The following KIAA1217 variants were observed in gnomAD, a reference collection of about 807,000 sequenced individuals.
The protein encoded by KIAA1217 is KIAA1217.
Under a neutral mutation model 163.9 loss-of-function variants are expected in KIAA1217, and 88 were observed. The ratio of observed to expected loss-of-function variants is 0.54; its 90% CI spans 0.45 to 0.64. The LOEUF (loss-of-function observed/expected upper bound fraction) is 0.64, where lower values mean the gene tolerates loss of function less well. KIAA1217 is among the 30% of genes least tolerant of loss of function. The probability of loss-of-function intolerance (pLI) is 0.00; values close to 1 mark genes in which losing one functional copy is unlikely to be tolerated. For missense variants in KIAA1217, 2,372 were observed against 2,475.0 expected (o/e 0.96, Z 0.88); for synonymous variants, 903 against 923.1 (o/e 0.98, Z 0.39).
chr10:24,089,239 G>T (rs544064204), intron 2 of KIAA1217, among the ~76,000 whole-genome samples: 2 of 125,150 alleles, frequency 1.6e-5, no homozygotes, highest in South Asian at 5.3e-4. Context: ...CTCCCATTCT[G>T]TAAGTTGCCT....
At chr10:23,935,500 T>C (rs1308590155) in intron 1 of KIAA1217, among the ~76,000 whole-genome samples, 1 of 152,174 alleles carries the variant, frequency 6.6e-6, no homozygotes. Flanking sequence ...TAACCAAAAA[T>C]TTTATAAACT....
intron 2 of KIAA1217, among the ~76,000 whole-genome samples, chr10:24,103,950 G>A (rs2062519600): frequency 6.6e-6 from 1 of 152,136 alleles, no homozygotes; most frequent in African/African-American, 2.4e-5. Flanking sequence ...CTTTGAGGAA[G>A]GAGCAAAGCC....
upstream of KIAA1217, chr10:24,209,108 C>T: frequency 8.6e-7 from 1 of 1,168,410 alleles, no homozygotes. Flanking sequence ...CAGCCCCGGG[C>T]CCCCTCCCAG....
At chr10:23,744,521 C>T (rs907303000) in intron 1 of KIAA1217, among the ~76,000 whole-genome samples, 5 of 151,990 alleles carry the variant, frequency 3.3e-5, no homozygotes, top group East Asian at 1.9e-4. Flanking sequence ...GGTCGCATCC[C>T]GAGTGTATCA....
rs139320379 is a variant in KIAA1217 at position 24,165,830 on chromosome 10, A to G, written c.-170-53796A>G. Among the ~76,000 whole-genome samples, 85 of 152,336 alleles carry G rather than the reference A, an allele frequency of 5.6e-4. No homozygotes were observed. In the East Asian group the frequency reaches 0.012, roughly 21 times the overall value. ...TATCCAATCTCCTAACTAGAGCAGA[A>G]AAAAAGCAGTTTGCTGAACCTTTAG... On this transcript the variant is annotated intron_variant, in intron 2 of 18. Coordinates refer to the KIAA1217 transcript ENST00000376462.
intron 2 of KIAA1217, among the ~76,000 whole-genome samples, chr10:24,071,677 A>G (rs1028607328): frequency 1.3e-5 from 2 of 152,186 alleles, no homozygotes; most frequent in Non-Finnish European, 2.9e-5. Context: ...GATGAAGATT[A>G]TATTTGCACT....
chr10:24,072,749 A>C (rs760915328), intron 2 of KIAA1217, among the ~76,000 whole-genome samples: 9 of 152,216 alleles, frequency 5.9e-5, no homozygotes, highest in Non-Finnish European at 1.3e-4. Flanking sequence ...TGACATGATT[A>C]AATTTACACT....
chr10:23,979,286 G>T (rs1476845646), intron 1 of KIAA1217, among the ~76,000 whole-genome samples: 1 of 152,152 alleles, frequency 6.6e-6, no homozygotes, highest in Non-Finnish European at 1.5e-5. Flanking sequence ...TCCTAAAGAG[G>T]TGACTTCACC....
intron 2 of KIAA1217, among the ~76,000 whole-genome samples, chr10:24,106,865 TG>T: frequency 6.6e-6 from 1 of 152,330 alleles, no homozygotes; most frequent in South Asian, 2.1e-4. Flanking sequence ...TTTGGTTGGT[TG>T]GTTGGTTGGT....
intron 2 of KIAA1217, among the ~76,000 whole-genome samples, chr10:24,323,773 C>A (rs976732001): frequency 6.9e-6 from 1 of 144,644 alleles, no homozygotes; most frequent in Non-Finnish European, 1.5e-5. Context: ...GAAGACAATG[C>A]CCATGTTTTC....
intron 2 of KIAA1217, among the ~76,000 whole-genome samples, chr10:24,355,812 G>A (rs1373367224): frequency 8.2e-5 from 10 of 122,666 alleles, no homozygotes; most frequent in Non-Finnish European, 1.4e-4. Context: ...ACAGTGGCCC[G>A]ATCTCGGCTC....
At chr10:24,500,232 A>G (rs1050323954) in intron 8 of KIAA1217, among the ~76,000 whole-genome samples, 5 of 146,716 alleles carry the variant, frequency 3.4e-5, no homozygotes, top group African/African-American at 7.5e-5. Flanking sequence ...TATTAGTAAC[A>G]TGGATCCAGC....
At chr10:23,733,437 C>T (rs1838595870) in intron 1 of KIAA1217, among the ~76,000 whole-genome samples, 1 of 152,002 alleles carries the variant, frequency 6.6e-6, no homozygotes, top group Non-Finnish European at 1.5e-5. Flanking sequence ...GTGAAGATAC[C>T]AAAATTTGTA....
chr10:24,240,142 G>T lies in KIAA1217; in HGVS notation c.354+20233G>T, dbSNP rs565199242. ...AAACAGTCTTGCCAGCCATTTGGAT[G>T]TGATAGCAATCACTGGATGCGGCTG... On this transcript the variant is annotated intron_variant, in intron 2 of 20. Coordinates refer to ENST00000376454, the MANE Select transcript of KIAA1217 (RefSeq NM_019590.5). Among the ~76,000 whole-genome samples the T allele has an allele frequency of 1.3e-3, 201 of 152,292 alleles. 1 individual carries two copies. Among genetic ancestry groups the T allele is most frequent in the African/African-American group, 4.7e-3 (194 of 41,572 alleles).
intron 1 of KIAA1217, among the ~76,000 whole-genome samples, chr10:23,709,291 A>T (rs1013068195): frequency 6.6e-6 from 1 of 152,124 alleles, no homozygotes; most frequent in Non-Finnish European, 1.5e-5. Flanking sequence ...TGGGAGGCCG[A>T]GGTGGGCGGA....
intron 1 of KIAA1217, among the ~76,000 whole-genome samples, chr10:23,739,095 G>A (rs1328480808): frequency 2.0e-5 from 3 of 152,188 alleles, no homozygotes; most frequent in African/African-American, 7.2e-5. Context: ...CATGTCTTTT[G>A]CAGCAACATG....
At chr10:23,754,707 G>C (rs1315314638) in intron 1 of KIAA1217, among the ~76,000 whole-genome samples, 1 of 151,948 alleles carries the variant, frequency 6.6e-6, no homozygotes, top group Non-Finnish European at 1.5e-5. Flanking sequence ...CTTCTCTTTG[G>C]GACCCTTGAA....
chr10:24,542,925 G>T lies in KIAA1217; in HGVS notation c.3655G>T (p.Glu1219Ter). 6.2e-7 allele frequency: 1 copy of T among 1,613,048 alleles called. No homozygotes were observed. Among genetic ancestry groups the T allele is most frequent in the Non-Finnish European group, 8.5e-7 (1 of 1,179,558 alleles). ...AAGACCTAGTGACCCTCCTAAGTGGGAAAGAGGAATGGAGAATAGTATTTC... is the reference window on the plus strand; with the variant it reads ...AAGACCTAGTGACCCTCCTAAGTGGTAAAGAGGAATGGAGAATAGTATTTC... ...AVRPSDPPKW[E>*]RGMENSISDA... is the part of the protein sequence containing the mutation. Residue 1219 changes from glutamate to a stop codon, truncating the protein, a stop_gained, in exon 19 of 21, where the codon GAA becomes TAA. Transcript: ENST00000376454. LOFTEE classifies it high-confidence loss of function.
At chr10:23,866,328 T>G (rs137955874) in intron 1 of KIAA1217, among the ~76,000 whole-genome samples, 2 of 152,184 alleles carry the variant, frequency 1.3e-5, no homozygotes, top group Admixed American at 1.3e-4. Context: ...TCCTCTGTTA[T>G]GTCTAGATGA....
Sources: allele counts gnomAD v4.1 joint callset (sites outside exome capture counted in the v4.1 genomes callset), GRCh38; gene constraint gnomAD v4.1.1; transcripts MANE v1.5; gene names NCBI Gene and HGNC (gene_info 2026-07-23, HGNC 2026-07-21).